The following PDE1A variants were observed in gnomAD, a reference collection of about 807,000 sequenced individuals.
PDE1A encodes the protein dual specificity calcium/calmodulin-dependent 3',5'-cyclic nucleotide phosphodiesterase 1A.
Under a neutral mutation model 61.7 loss-of-function variants are expected in PDE1A, and 35 were observed. That is an observed-to-expected ratio of 0.57 (90% CI 0.43 to 0.75). The LOEUF is 0.75. Among genes scored for constraint, PDE1A ranks in the 30% least tolerant of loss-of-function variants. The pLI is 0.00. For missense variants in PDE1A, 597 were observed against 630.6 expected (o/e 0.95, Z 0.57); for synonymous variants, 232 against 213.2 (o/e 1.09, Z -0.77).
At chr2:182,480,896 C>T (rs1351076460) in intron 2 of PDE1A, among the ~76,000 whole-genome samples, 1 of 151,870 alleles carries the variant, frequency 6.6e-6, no homozygotes, top group African/African-American at 2.4e-5. Context: ...TCTTCCCTCC[C>T]TGCTGGAGTC....
rs3769799 is a variant in PDE1A at position 182,178,846 on chromosome 2, C to T, written c.1516+7046G>A. Reference sequence around the variant, plus strand: ...GGCAAGCAAAGATGTGGGGGCCTGCCGTGGGAAAGCAAGGGGTCAGAGTCA... The same window carrying T: ...GGCAAGCAAAGATGTGGGGGCCTGCTGTGGGAAAGCAAGGGGTCAGAGTCA... On this transcript the variant is annotated intron_variant, in intron 13 of 13. Transcript: ENST00000351439. Among the ~76,000 whole-genome samples the T allele has an allele frequency of 5.1e-4, 78 of 152,038 alleles. No homozygotes were observed. In the East Asian group the frequency reaches 0.013, roughly 25 times the overall value.
chr2:182,233,700 T>G (rs1039538428), intron 4 of PDE1A, among the ~76,000 whole-genome samples: 1 of 151,634 alleles, frequency 6.6e-6, no homozygotes, highest in Non-Finnish European at 1.5e-5. Context: ...AATTAGGCAA[T>G]CGAAACAAGT....
chr2:182,179,840 G>C lies in PDE1A; in HGVS notation c.1516+6052C>G, dbSNP rs548664687. On this transcript the variant is annotated intron_variant, in intron 13 of 13. Coordinates refer to ENST00000351439, the Ensembl canonical transcript of PDE1A. The stretch of plus-strand genomic sequence containing the variant: ...ATTTTAATGAACCTTATTTTTAAGA[G>C]GGTGAAGTAGATAATAAAAATGAAG... 3.9e-5 allele frequency among the ~76,000 whole-genome samples: 6 copies of C among 152,254 alleles called. No homozygotes were observed. The South Asian group carries it at 1.0e-3, about 26-fold the overall frequency.
chr2:182,632,960 C>A, the PDE1A span, among the ~76,000 whole-genome samples: 1 of 152,178 alleles, frequency 6.6e-6, no homozygotes, highest in African/African-American at 2.4e-5. Context: ...TCATGGTAAA[C>A]TCAAAGCACC....
chr2:182,466,912 T>C (rs1686706267), intron 2 of PDE1A, among the ~76,000 whole-genome samples: 1 of 152,006 alleles, frequency 6.6e-6, no homozygotes. Context: ...TTTAGCTGAA[T>C]AGAAGCCTAG....
At chr2:182,143,609 G>C (rs937570190), downstream of PDE1A, among the ~76,000 whole-genome samples, 1 of 151,992 alleles carries the variant, frequency 6.6e-6, no homozygotes, top group Non-Finnish European at 1.5e-5. Context: ...TCCGCCTCCC[G>C]GGTTCACGCA....
At chr2:182,695,666 C>CAAAAAAAAAA in the PDE1A span, among the ~76,000 whole-genome samples, 2 of 32,884 alleles carry the variant, frequency 6.1e-5, no homozygotes, top group African/African-American at 1.0e-4. Context: ...GGCCCTCTCT[C>CAAAAAAAAAA]AAAAAAAAAA....
chr2:182,165,203 A>G (rs1432969498), downstream of PDE1A, among the ~76,000 whole-genome samples: 2 of 152,142 alleles, frequency 1.3e-5, no homozygotes, highest in Non-Finnish European at 2.9e-5. Flanking sequence ...GGAACTACTT[A>G]TCATCACCTC....
chr2:182,693,046 T>C, the PDE1A span, among the ~76,000 whole-genome samples: 1 of 152,124 alleles, frequency 6.6e-6, no homozygotes, highest in African/African-American at 2.4e-5. Flanking sequence ...GCTATGATCA[T>C]GCAACTGCAC....
the PDE1A span, among the ~76,000 whole-genome samples, chr2:182,712,056 A>G: frequency 2.6e-5 from 4 of 152,248 alleles, no homozygotes; most frequent in African/African-American, 4.8e-5. Flanking sequence ...GCAGCCTGCA[A>G]TGGATAGACC....
At chr2:182,253,535 AC>A (rs993430145) in intron 2 of PDE1A, among the ~76,000 whole-genome samples, 5 of 151,568 alleles carry the variant, frequency 3.3e-5, no homozygotes, top group African/African-American at 9.7e-5. Flanking sequence ...TTCTGCCAAC[AC>A]CCCCCTTCAT....
chr2:182,346,371 A>C (rs1698518679), intron 1 of PDE1A, among the ~76,000 whole-genome samples: 1 of 152,206 alleles, frequency 6.6e-6, no homozygotes. Context: ...GGTAGAACTA[A>C]AATTTCCATA....
chr2:182,472,232 C>A (rs1211384621), intron 2 of PDE1A, among the ~76,000 whole-genome samples: 3 of 151,804 alleles, frequency 2.0e-5, no homozygotes, highest in Non-Finnish European at 4.4e-5. Flanking sequence ...AAAGAAAAAT[C>A]ATTATATCAA....
intron 1 of PDE1A, among the ~76,000 whole-genome samples, chr2:182,328,749 G>T (rs747603088): frequency 6.6e-6 from 1 of 152,122 alleles, no homozygotes; most frequent in Non-Finnish European, 1.5e-5. Flanking sequence ...GAGTTCCATG[G>T]GGGAACCACC....
chr2:182,477,043 A>G (rs1266806757), intron 2 of PDE1A, among the ~76,000 whole-genome samples: 1 of 151,914 alleles, frequency 6.6e-6, no homozygotes, highest in Non-Finnish European at 1.5e-5. Flanking sequence ...TTCTGTTAAG[A>G]GTTTGTCATA....
At chr2:182,514,578 C>T (rs1690018751) in intron 2 of PDE1A, among the ~76,000 whole-genome samples, 1 of 152,134 alleles carries the variant, frequency 6.6e-6, no homozygotes, top group Admixed American at 6.5e-5. Context: ...AAAGGACTCC[C>T]TATTCAATAA....
At chr2:182,349,234 C>T (rs1476340874) in intron 1 of PDE1A, among the ~76,000 whole-genome samples, 2 of 152,114 alleles carry the variant, frequency 1.3e-5, no homozygotes, top group East Asian at 1.9e-4. Context: ...TGTGGGTGAA[C>T]AACTTAATTT....
intron 4 of PDE1A, among the ~76,000 whole-genome samples, chr2:182,233,504 C>T (rs190287487): frequency 4.6e-5 from 7 of 152,020 alleles, no homozygotes; most frequent in Admixed American, 4.6e-4. Context: ...ATCTAATATG[C>T]AGCAGAGAAA....
chr2:182,679,188 ATTATTT>A, the PDE1A span, among the ~76,000 whole-genome samples: 3 of 141,698 alleles, frequency 2.1e-5, no homozygotes, highest in Non-Finnish European at 4.5e-5. Context: ...TATTATTATT[ATTATTT>A]TTTTTTTGAC....
Sources: gnomAD v4.1 joint callset for allele counts (sites outside exome capture counted in the v4.1 genomes callset) on GRCh38, gnomAD v4.1.1 for gene constraint, MANE v1.5 for transcripts, NCBI Gene and HGNC (gene_info 2026-07-23, HGNC 2026-07-21) for gene names.